The following TFEC variants were observed in gnomAD, a reference collection of about 807,000 sequenced individuals.
TFEC encodes transcription factor EC, also known as class E basic helix-loop-helix protein 34.
In TFEC, 31 loss-of-function variants were observed where a neutral mutation model predicts 41.6. The observed-to-expected ratio is 0.74, with a 90% CI of 0.56 to 1.01. TFEC has a LOEUF of 1.01. Ranked by LOEUF, TFEC falls within the 50% of genes least tolerant of loss-of-function variation. The pLI, the probability that TFEC is intolerant of heterozygous loss-of-function variation, is 0.00. For synonymous variants in TFEC, 143 were observed against 140.6 expected (o/e 1.02, Z -0.12); for missense variants, 402 against 404.1 (o/e 0.99, Z 0.04).
At chr7:116,016,118 A>T (rs1197509058) in intron 1 of TFEC, among the ~76,000 whole-genome samples, 3 of 152,204 alleles carry the variant, frequency 2.0e-5, no homozygotes, top group Non-Finnish European at 4.4e-5. Flanking sequence ...CACAAAGCTA[A>T]TGTAGGATAG....
chr7:116,158,834 T>G (rs7801116), intron 1 of TFEC, among the ~76,000 whole-genome samples: 16,388 of 152,078 alleles, frequency 0.11, 951 homozygotes, highest in African/African-American at 0.15. Flanking sequence ...AGAAGACATT[T>G]TCTTATTATA....
At chr7:116,001,866 A>G (rs532029998) in intron 1 of TFEC, among the ~76,000 whole-genome samples, 34 of 152,340 alleles carry the variant, frequency 2.2e-4, no homozygotes, top group African/African-American at 6.5e-4. Context: ...AAAAGAAGAC[A>G]AACAGGTATA....
chr7:116,120,691 C>T (rs1224766234), intron 1 of TFEC, among the ~76,000 whole-genome samples: 3 of 151,880 alleles, frequency 2.0e-5, no homozygotes, highest in Non-Finnish European at 4.4e-5. Context: ...TGCCTGTGTT[C>T]ACAGTTCCTA....
chr7:116,131,965 T>C (rs1798341653), intron 1 of TFEC, among the ~76,000 whole-genome samples: 1 of 152,204 alleles, frequency 6.6e-6, no homozygotes, highest in African/African-American at 2.4e-5. Flanking sequence ...AAATTTTCCT[T>C]TGAAGTTTTA....
At chr7:116,120,167 T>C (rs1380899199) in intron 1 of TFEC, 1 of 151,928 alleles carries the variant, frequency 6.6e-6, no homozygotes, top group Non-Finnish European at 1.5e-5. Flanking sequence ...GGGAGTCAAA[T>C]GCTTTCTAGC....
intron 1 of TFEC, among the ~76,000 whole-genome samples, chr7:116,018,679 A>T (rs1422550258): frequency 6.6e-6 from 1 of 152,218 alleles, no homozygotes; most frequent in African/African-American, 2.4e-5. Flanking sequence ...TTCCCAATAA[A>T]GTCATAGGCA....
chr7:116,012,302 C>A (rs141433857), intron 1 of TFEC, among the ~76,000 whole-genome samples: 9 of 152,050 alleles, frequency 5.9e-5, no homozygotes, highest in Admixed American at 5.2e-4. Flanking sequence ...CTTCAGAAAT[C>A]AACAATTGTG....
At chr7:116,132,810 A>T (rs965021205) in intron 1 of TFEC, among the ~76,000 whole-genome samples, 8 of 152,238 alleles carry the variant, frequency 5.3e-5, no homozygotes, top group African/African-American at 1.9e-4. Flanking sequence ...TTAGCTGGAA[A>T]AAAGTGAGAA....
Position 115,984,394 on chromosome 7 carries a change from T to C in TFEC, c.48A>G (p.Gln16=), listed in dbSNP as rs768664218. 2.3e-5 allele frequency: 37 copies of C among 1,614,032 alleles called. No homozygotes were observed. The highest frequency in any genetic ancestry group is 3.1e-5 in the Non-Finnish European group (36 of 1,180,004). Residue 16 remains glutamine (Q), a synonymous_variant, in exon 2 of 8, where the codon CAA becomes CAG. Coordinates refer to ENST00000265440, the MANE Select transcript of TFEC (RefSeq NM_012252.4). ...QIINPTLKWS[Q]PAVPSGGPLV... ...GAGGCCCACCACTTGGCACTGCAGG[T>C]TGTGACCATTTAAGAGTTGGATTGA... is the stretch of plus-strand genomic sequence containing the variant.
At chr7:116,126,744 T>A (rs1159053449) in intron 1 of TFEC, among the ~76,000 whole-genome samples, 1 of 152,164 alleles carries the variant, frequency 6.6e-6, no homozygotes, top group Admixed American at 6.5e-5. Flanking sequence ...CTGAATGATA[T>A]ACCCCAGTCA....
upstream of TFEC, chr7:116,030,938 A>C: frequency 1.7e-6 from 1 of 575,308 alleles, no homozygotes; most frequent in Non-Finnish European, 2.2e-6. Flanking sequence ...TTTGAGAAAG[A>C]GCACTCCTAG....
intron 3 of TFEC, among the ~76,000 whole-genome samples, chr7:116,081,580 G>A (rs2131058126): frequency 6.6e-6 from 1 of 152,078 alleles, no homozygotes; most frequent in African/African-American, 2.4e-5. Context: ...GCTGGTAACT[G>A]CTCTCTCCAA....
intron 1 of TFEC, among the ~76,000 whole-genome samples, chr7:116,009,007 T>C (rs1461012864): frequency 6.6e-6 from 1 of 152,184 alleles, no homozygotes; most frequent in East Asian, 1.9e-4. Context: ...ATGAGTATTA[T>C]TAAGCAGAGT....
At chr7:116,154,311 C>T (rs1462177917) in intron 1 of TFEC, among the ~76,000 whole-genome samples, 1 of 152,136 alleles carries the variant, frequency 6.6e-6, no homozygotes, top group African/African-American at 2.4e-5. Flanking sequence ...ACCTCCTTTT[C>T]TTTCTCTATC....
At position 116,076,191 on chromosome 7, in the gene TFEC, G is replaced by T. The variant is rs1268901772; in HGVS notation, c.198+34517C>A. The stretch of plus-strand genomic sequence containing the variant: ...AAGCAAAAACAATCACTGCAGTTCA[G>T]CTTTCAAGAAGCCCCATTCCTAGGG... On this transcript the variant is annotated intron_variant, in intron 3 of 8. Coordinates refer to the TFEC transcript ENST00000484212. 3.9e-5 allele frequency among the ~76,000 whole-genome samples: 6 copies of T among 152,270 alleles called. No individual in the cohort carries two copies. In the South Asian group the frequency reaches 6.2e-4, roughly 16 times the overall value.
chr7:115,996,564 G>A (rs538077070), intron 1 of TFEC, among the ~76,000 whole-genome samples: 22 of 152,000 alleles, frequency 1.4e-4, no homozygotes, highest in Non-Finnish European at 2.8e-4. Flanking sequence ...GAAGAGTAAA[G>A]AAGACTTTGT....
intron 3 of TFEC, chr7:116,110,590 G>T: frequency 2.9e-6 from 2 of 697,648 alleles, no homozygotes; most frequent in Non-Finnish European, 4.1e-6. Flanking sequence ...GAAGCCCTGG[G>T]TTTTTATTCT....
At chr7:116,036,948 A>G (rs557273562) in intron 3 of TFEC, among the ~76,000 whole-genome samples, 31 of 152,212 alleles carry the variant, frequency 2.0e-4, no homozygotes, top group African/African-American at 7.5e-4. Context: ...AACAGTTGAT[A>G]ATAGATAACA....
chr7:116,109,739 G>T (rs1047418332), intron 3 of TFEC, among the ~76,000 whole-genome samples: 3 of 152,160 alleles, frequency 2.0e-5, no homozygotes, highest in Non-Finnish European at 2.9e-5. Flanking sequence ...ATACCCAAAG[G>T]ATTATAAGTC....
Sources: allele counts gnomAD v4.1 joint callset (sites outside exome capture counted in the v4.1 genomes callset), GRCh38; gene constraint gnomAD v4.1.1; transcripts MANE v1.5; gene names NCBI Gene and HGNC (gene_info 2026-07-23, HGNC 2026-07-21).